Variants in SHTN1 observed in about 807,000 individuals in gnomAD.
SHTN1 encodes shootin 1.
SHTN1 carries 42 observed loss-of-function variants against 83.1 expected under a neutral mutation model. That is an observed-to-expected ratio of 0.51 (90% CI 0.39 to 0.65). SHTN1 has a LOEUF of 0.65. Ranked by LOEUF, SHTN1 falls within the 30% of genes least tolerant of loss-of-function variation. The pLI is 0.00. For synonymous variants in SHTN1, 224 were observed against 247.7 expected, an observed-to-expected ratio of 0.90 and a Z score of 0.90; for missense variants, 622 against 737.8, an observed-to-expected ratio of 0.84 and a Z score of 1.82.
At chr10:117,038,409 G>A (rs1852532651) in intron 2 of SHTN1, among the ~76,000 whole-genome samples, 1 of 151,758 alleles carries the variant, frequency 6.6e-6, no homozygotes, top group Non-Finnish European at 1.5e-5. Flanking sequence ...CAAAATGCTG[G>A]GATTACAGGC....
chr10:116,957,553 C>CA (rs978971286), intron 4 of SHTN1, among the ~76,000 whole-genome samples: 1 of 151,598 alleles, frequency 6.6e-6, no homozygotes, highest in Non-Finnish European at 1.5e-5. Flanking sequence ...CGTGCCCAGC[C>CA]AAAAATATAT....
At chr10:117,004,834 C>T (rs1564927256) in intron 1 of SHTN1, among the ~76,000 whole-genome samples, 188 bp downstream of exon 1, 1 of 152,210 alleles carries the variant, frequency 6.6e-6, no homozygotes. Flanking sequence ...GCGTTATCCT[C>T]GGTCCAGAGC....
intron 2 of SHTN1, among the ~76,000 whole-genome samples, chr10:117,034,747 A>G (rs1852471794): frequency 6.6e-6 from 1 of 152,228 alleles, no homozygotes; most frequent in Non-Finnish European, 1.5e-5. Flanking sequence ...AGCCACAAAT[A>G]TAATTAAATA....
intron 1 of SHTN1, among the ~76,000 whole-genome samples, chr10:117,119,581 A>G (rs1393454860): frequency 6.6e-6 from 1 of 152,224 alleles, no homozygotes; most frequent in Non-Finnish European, 1.5e-5. Context: ...GAACCCTCAT[A>G]CACTGTTGGT....
chr10:116,906,375 T>G (rs1357328735), intron 15 of SHTN1, among the ~76,000 whole-genome samples: 1 of 152,218 alleles, frequency 6.6e-6, no homozygotes, highest in Non-Finnish European at 1.5e-5. Flanking sequence ...CACAAGGGCA[T>G]CTTGCATTAA....
chr10:117,046,220 C>A (rs1467654498), intron 2 of SHTN1, among the ~76,000 whole-genome samples: 1 of 151,988 alleles, frequency 6.6e-6, no homozygotes, highest in Non-Finnish European at 1.5e-5. Context: ...GACATATACT[C>A]AAACTGCAAA....
intron 1 of SHTN1, among the ~76,000 whole-genome samples, chr10:116,987,922 A>C (rs1851279882): frequency 6.6e-6 from 1 of 151,926 alleles, no homozygotes; most frequent in African/African-American, 2.4e-5. Flanking sequence ...AAAAAAACAA[A>C]CAAACAAAAA....
At chr10:116,908,962 A>G in intron 14 of SHTN1, among the ~76,000 whole-genome samples, 1 of 152,202 alleles carries the variant, frequency 6.6e-6, no homozygotes, top group East Asian at 1.9e-4. Context: ...GAGGAAAGAA[A>G]GGTTTCTGCA....
At chr10:116,993,968 C>T (rs1451660186) in intron 1 of SHTN1, among the ~76,000 whole-genome samples, 3 of 152,050 alleles carry the variant, frequency 2.0e-5, no homozygotes, top group Non-Finnish European at 4.4e-5. Context: ...CTAAAGATAT[C>T]TGAGTCTGTT....
At chr10:117,109,552 A>AATTTTT in intron 1 of SHTN1, among the ~76,000 whole-genome samples, 1 of 16,572 alleles carries the variant, frequency 6.0e-5, no homozygotes, top group African/African-American at 2.3e-4. Flanking sequence ...AACATATATT[A>AATTTTT]CTTTTTTTTT....
chr10:116,908,272 TTTTA>T (rs1228596252), intron 14 of SHTN1, among the ~76,000 whole-genome samples: 39 of 152,328 alleles, frequency 2.6e-4, no homozygotes, highest in Non-Finnish European at 2.8e-4. Flanking sequence ...AAGTATCTCT[TTTTA>T]TTTTTCATTT....
chr10:117,038,439 C>T (rs998185687), intron 2 of SHTN1, among the ~76,000 whole-genome samples: 20 of 151,878 alleles, frequency 1.3e-4, no homozygotes, highest in African/African-American at 3.1e-4. Context: ...TGCACCCAGC[C>T]GCAATGACTT....
At chr10:117,105,966 T>C (rs1453303900) in intron 1 of SHTN1, among the ~76,000 whole-genome samples, 1 of 151,538 alleles carries the variant, frequency 6.6e-6, no homozygotes, top group African/African-American at 2.4e-5. Context: ...GTGAACCATG[T>C]TCACGCCACT....
chr10:116,881,676 A>T lies in SHTN1; in HGVS notation c.*4668T>A. 1 of 1,501,058 alleles carries T rather than the reference A, an allele frequency of 6.7e-7. No individual in the cohort carries two copies. Among genetic ancestry groups the T allele is most frequent in the Non-Finnish European group, 8.9e-7 (1 of 1,121,780 alleles). The allele number at this position is 1,501,058 out of a possible 1,614,324, so 93.0% of individuals were successfully genotyped here. On this transcript the variant is annotated 3_prime_UTR_variant, in exon 17 of 17. Transcript: ENST00000355371. ...AGGAGCATCCTCTGGATAGGGCTGT[A>T]CACACCCCAGGTTCCAGCCACACCA...
At chr10:116,946,128 G>C (rs1048903086) in intron 7 of SHTN1, among the ~76,000 whole-genome samples, 2 of 151,354 alleles carry the variant, frequency 1.3e-5, no homozygotes, top group Non-Finnish European at 2.9e-5. Flanking sequence ...TCATGGGTTT[G>C]TAAGGTACCA....
intron 2 of SHTN1, among the ~76,000 whole-genome samples, chr10:117,043,939 G>C (rs931522128): frequency 6.6e-6 from 1 of 152,072 alleles, no homozygotes; most frequent in Admixed American, 6.6e-5. Context: ...ATATGGAAAA[G>C]AATGTGCAAT....
At chr10:117,118,295 G>A (rs1003980228) in intron 1 of SHTN1, among the ~76,000 whole-genome samples, 2 of 143,320 alleles carry the variant, frequency 1.4e-5, no homozygotes, top group Non-Finnish European at 3.0e-5. Flanking sequence ...ATAGGTATAT[G>A]AAGAAATGCT....
At chr10:116,894,091 T>C (rs1353970899) in intron 16 of SHTN1, among the ~76,000 whole-genome samples, 1 of 152,206 alleles carries the variant, frequency 6.6e-6, no homozygotes, top group Non-Finnish European at 1.5e-5. Context: ...TTAGATTTTT[T>C]TTCTTTCATG....
At chr10:117,079,050 A>G (rs1416805850) in intron 1 of SHTN1, among the ~76,000 whole-genome samples, 1 of 151,228 alleles carries the variant, frequency 6.6e-6, no homozygotes, top group East Asian at 1.9e-4. Flanking sequence ...TTATTTTTTT[A>G]TTATTATAAG....
Sources: allele counts gnomAD v4.1 joint callset (sites outside exome capture counted in the v4.1 genomes callset), GRCh38; gene constraint gnomAD v4.1.1; transcripts MANE v1.5; gene names NCBI Gene and HGNC (gene_info 2026-07-23, HGNC 2026-07-21).